The following KIAA1217 variants were observed in gnomAD, a reference collection of about 807,000 sequenced individuals.
KIAA1217 encodes the protein KIAA1217.
KIAA1217 carries 88 observed loss-of-function variants against 163.9 expected under a neutral mutation model. That is an observed-to-expected ratio of 0.54 (90% CI 0.45 to 0.64). The LOEUF (loss-of-function observed/expected upper bound fraction) is 0.64. KIAA1217 is among the 30% of genes least tolerant of loss of function. The pLI is 0.00. For missense variants in KIAA1217, 2,372 were observed against 2,475.0 expected (o/e 0.96, Z 0.88); for synonymous variants, 903 against 923.1 (o/e 0.98, Z 0.39).
At chr10:24,022,971 T>C (rs1419357911) in intron 2 of KIAA1217, among the ~76,000 whole-genome samples, 1 of 151,166 alleles carries the variant, frequency 6.6e-6, no homozygotes, top group East Asian at 1.9e-4. Context: ...GCAAATACTA[T>C]AGCCAATGGT....
In KIAA1217 at chr10:24,173,818, C is replaced by A. The variant is rs1004009775; in HGVS notation, c.-170-45808C>A. Among the ~76,000 whole-genome samples the A allele has an allele frequency of 1.3e-4, 20 of 152,310 alleles. No individual in the cohort carries two copies. The South Asian group carries it at 3.7e-3, about 28-fold the overall frequency. On this transcript the variant is annotated intron_variant, in intron 2 of 18. Coordinates refer to the KIAA1217 transcript ENST00000376462. ...TAGTATTAGTTTGAGTAACCCAAAT[C>A]TTTTTCCTCCAAGGACTGTGACTTC...
chr10:23,862,373 G>T (rs189661153), intron 1 of KIAA1217, among the ~76,000 whole-genome samples: 3 of 152,176 alleles, frequency 2.0e-5, no homozygotes, highest in African/African-American at 7.2e-5. Flanking sequence ...TCAAAAATTA[G>T]GCAGAGAGAG....
chr10:23,974,934 A>C (rs1233150839), intron 1 of KIAA1217, among the ~76,000 whole-genome samples: 3 of 151,658 alleles, frequency 2.0e-5, no homozygotes, highest in Non-Finnish European at 2.9e-5. Flanking sequence ...CAAATGTGGA[A>C]TATTTATGGC....
chr10:23,906,966 T>C (rs1306113677), intron 1 of KIAA1217, among the ~76,000 whole-genome samples: 1 of 152,108 alleles, frequency 6.6e-6, no homozygotes, highest in Non-Finnish European at 1.5e-5. Flanking sequence ...GAAGCAAAAC[T>C]ACCTTTCTCA....
chr10:23,857,956 T>TAA (rs770985064), intron 1 of KIAA1217, among the ~76,000 whole-genome samples: 1 of 140,770 alleles, frequency 7.1e-6, no homozygotes. Flanking sequence ...TCAATCTGGT[T>TAA]AAAAAAAAAA....
At chr10:24,478,743 G>A (rs1007745425) in intron 6 of KIAA1217, among the ~76,000 whole-genome samples, 3 of 152,124 alleles carry the variant, frequency 2.0e-5, no homozygotes, top group Admixed American at 6.5e-5. Flanking sequence ...TCATTAAACA[G>A]CATCATTATT....
chr10:24,246,884 C>G (rs7071454), intron 2 of KIAA1217, among the ~76,000 whole-genome samples: 1 of 151,760 alleles, frequency 6.6e-6, no homozygotes, highest in Non-Finnish European at 1.5e-5. Flanking sequence ...CACGGTGGTG[C>G]GCATCTGCAA....
chr10:23,898,629 C>T (rs565642133), intron 1 of KIAA1217, among the ~76,000 whole-genome samples: 1 of 152,070 alleles, frequency 6.6e-6, no homozygotes, highest in Non-Finnish European at 1.5e-5. Context: ...CCATCTTGAC[C>T]ATTTTTAAGT....
intron 1 of KIAA1217, among the ~76,000 whole-genome samples, chr10:23,852,542 T>C (rs1029096582): frequency 2.6e-5 from 4 of 152,202 alleles, no homozygotes; most frequent in African/African-American, 9.6e-5. Flanking sequence ...TTTTTTCCAA[T>C]TCTGTGAAGA....
intron 1 of KIAA1217, among the ~76,000 whole-genome samples, chr10:23,792,352 T>C (rs1835990049): frequency 6.6e-6 from 1 of 152,230 alleles, no homozygotes. Flanking sequence ...TACATTGTTT[T>C]GAACCATGAA....
At chr10:24,493,243 A>C (rs2066373059) in intron 6 of KIAA1217, among the ~76,000 whole-genome samples, 1 of 152,164 alleles carries the variant, frequency 6.6e-6, no homozygotes, top group Admixed American at 6.5e-5. Flanking sequence ...AATCCCCACC[A>C]CTCACAAACC....
At chr10:24,438,526 G>A (rs369214813) in intron 5 of KIAA1217, 47 bp downstream of exon 5, 39 of 1,288,856 alleles carry the variant, frequency 3.0e-5, no homozygotes, top group Middle Eastern at 3.7e-4. Context: ...GGGTCAAAGC[G>A]TCCCTCCTCT....
In KIAA1217 at chr10:24,068,303, A is replaced by G. The variant is rs144105067; in HGVS notation, c.-171+60929A>G. 1.6e-3 allele frequency among the ~76,000 whole-genome samples: 246 copies of G among 152,236 alleles called. 2 individuals carry two copies. Among genetic ancestry groups the G allele is most frequent in the African/African-American group, 5.8e-3 (240 of 41,552 alleles). On this transcript the variant is annotated intron_variant, in intron 2 of 18. Transcript: ENST00000376462. ...TTAGCTCCACACCCTCAGTTATTGT[A>G]TTCTTCAGCTCCAAGATTTCTGTTT...
intron 1 of KIAA1217, among the ~76,000 whole-genome samples, chr10:23,703,529 G>A (rs924880855): frequency 2.0e-5 from 3 of 152,158 alleles, no homozygotes; most frequent in Non-Finnish European, 4.4e-5. Flanking sequence ...GCCCTGATTT[G>A]AACTGTTTGC....
intron 1 of KIAA1217, among the ~76,000 whole-genome samples, chr10:23,981,020 AT>A (rs1845747116): frequency 6.6e-6 from 1 of 152,228 alleles, no homozygotes; most frequent in Admixed American, 6.5e-5. Context: ...TGCGTGGTCA[AT>A]TGTTCACCGT....
At chr10:24,023,450 C>G (rs1296718856) in intron 2 of KIAA1217, among the ~76,000 whole-genome samples, 2 of 151,516 alleles carry the variant, frequency 1.3e-5, no homozygotes, top group Admixed American at 1.3e-4. Context: ...TGTAAGTGGG[C>G]TTTTTTCAAC....
Position 24,402,533 on chromosome 10 carries a change from A to AAC in KIAA1217, c.553+21467_553+21468insCA, listed in dbSNP as rs1564619280. Among the ~76,000 whole-genome samples, 26 of 151,364 alleles carry AAC rather than the reference A, an allele frequency of 1.7e-4. 1 individual carries two copies. The East Asian group carries it at 1.8e-3, about 10-fold the overall frequency. The stretch of plus-strand genomic sequence containing the variant: ...CAAAAAAACAAAAAACAAAACAAAA[A>AAC]AAAAAAAAAGGCAAAGGAGTTTGAA... On this transcript the variant is annotated intron_variant, in intron 3 of 20. Coordinates refer to ENST00000376454, the MANE Select transcript of KIAA1217 (RefSeq NM_019590.5).
At chr10:24,316,140 C>T (rs1444130785) in intron 2 of KIAA1217, among the ~76,000 whole-genome samples, 5 of 152,126 alleles carry the variant, frequency 3.3e-5, no homozygotes, top group Non-Finnish European at 5.9e-5. Flanking sequence ...CATCAGGGTC[C>T]GCTCACCTGC....
intron 5 of KIAA1217, among the ~76,000 whole-genome samples, chr10:24,441,194 C>T (rs775317131): frequency 1.3e-5 from 2 of 152,180 alleles, no homozygotes; most frequent in Non-Finnish European, 2.9e-5. Context: ...ATGCTAACTA[C>T]TCACATGAGT....
Sources: allele counts gnomAD v4.1 joint callset (sites outside exome capture counted in the v4.1 genomes callset), GRCh38; gene constraint gnomAD v4.1.1; transcripts MANE v1.5; gene names NCBI Gene and HGNC (gene_info 2026-07-23, HGNC 2026-07-21).